Variants in ERC1 observed in about 807,000 individuals in gnomAD.
ERC1 encodes the protein ELKS/RAB6-interacting/CAST family member 1, also known as RAB6 interacting protein 2.
ERC1 carries 56 observed loss-of-function variants against 132.0 expected under a neutral mutation model. That is an observed-to-expected ratio of 0.42 (90% CI 0.34 to 0.53). ERC1 has a LOEUF of 0.53. ERC1 is among the 20% of genes least tolerant of loss of function. ERC1 has a pLI of 0.03. For missense variants in ERC1, 1,202 were observed against 1,349.9 expected (o/e 0.89, Z 1.72); for synonymous variants, 478 against 476.1 (o/e 1.00, Z -0.05).
At chr12:1,074,802 T>G (rs1176646930) in intron 2 of ERC1, among the ~76,000 whole-genome samples, 1 of 152,148 alleles carries the variant, frequency 6.6e-6, no homozygotes, top group Non-Finnish European at 1.5e-5. Context: ...GTTGTTAGAA[T>G]TCTAGTGTAA....
At chr12:1,432,263 G>C (rs769706554) in intron 17 of ERC1, among the ~76,000 whole-genome samples, 14 of 152,262 alleles carry the variant, frequency 9.2e-5, no homozygotes, top group Admixed American at 2.0e-4. Flanking sequence ...CTGTGGCTAT[G>C]AACTAACAAA....
intron 16 of ERC1, among the ~76,000 whole-genome samples, chr12:1,398,930 CTTTTTTTTTTTTTTTT>C (rs1162145460): frequency 2.1e-5 from 2 of 93,902 alleles, no homozygotes; most frequent in East Asian, 5.9e-4. Context: ...TTTTCTCCTA[CTTTTTTTTTTTTTTTT>C]TTTTTTTTTT....
chr12:1,139,330 G>C (rs1949650299), intron 7 of ERC1, among the ~76,000 whole-genome samples: 1 of 152,178 alleles, frequency 6.6e-6, no homozygotes, highest in Non-Finnish European at 1.5e-5. Context: ...TAGATCGACT[G>C]TTGCAGTGTC....
At chr12:1,486,739 G>A (rs969047065) in intron 18 of ERC1, among the ~76,000 whole-genome samples, 2 of 139,948 alleles carry the variant, frequency 1.4e-5, no homozygotes, top group African/African-American at 3.3e-5. Flanking sequence ...AATCACTCCC[G>A]GCTGTGAAGC....
At chr12:1,447,598 A>G (rs2093334978) in intron 18 of ERC1, among the ~76,000 whole-genome samples, 1 of 151,124 alleles carries the variant, frequency 6.6e-6, no homozygotes, top group East Asian at 1.9e-4. Flanking sequence ...CTGGCATTAA[A>G]TTATTCCTTT....
At chr12:1,227,179 G>C (rs1352525906) in intron 12 of ERC1, among the ~76,000 whole-genome samples, 1 of 152,174 alleles carries the variant, frequency 6.6e-6, no homozygotes, top group Non-Finnish European at 1.5e-5. Context: ...TGGTAGTTCT[G>C]TTTCTAATGT....
At position 1,460,635 on chromosome 12, in the gene ERC1, T is replaced by C. The variant is rs553195600; in HGVS notation, c.3213+15885T>C. ...GGCAGCCATATTTGAAATAAGTCCTTTTGACTGGAGAGAAGCTACTCAGTT... is the reference window on the plus strand; with the variant it reads ...GGCAGCCATATTTGAAATAAGTCCTCTTGACTGGAGAGAAGCTACTCAGTT... On this transcript the variant is annotated intron_variant, in intron 18 of 18. Coordinates refer to ENST00000360905, the MANE Select transcript of ERC1 (RefSeq NM_178040.4). Among the ~76,000 whole-genome samples, 3 of 152,240 alleles carry C rather than the reference T, an allele frequency of 2.0e-5. No individual in the cohort carries two copies. The East Asian group carries it at 5.8e-4, about 29-fold the overall frequency.
chr12:1,006,959 ATATAG>A (rs1004463299), intron 1 of ERC1, among the ~76,000 whole-genome samples: 7 of 149,972 alleles, frequency 4.7e-5, no homozygotes, highest in East Asian at 1.9e-4. Flanking sequence ...AGTATATATA[ATATAG>A]TATATATATG....
chr12:1,204,415 T>C (rs1594202015), intron 12 of ERC1: 2 of 1,133,224 alleles, frequency 1.8e-6, no homozygotes, highest in Non-Finnish European at 2.6e-6. Flanking sequence ...ATGATGTCCA[T>C]GAATAATATT....
At chr12:1,095,305 C>G (rs1255331471) in intron 3 of ERC1, among the ~76,000 whole-genome samples, 1 of 150,312 alleles carries the variant, frequency 6.7e-6, no homozygotes, top group East Asian at 2.0e-4. Flanking sequence ...TGGTGCATGC[C>G]TGCGGTCCTA....
rs191678352 is a variant in ERC1 at position 1,440,417 on chromosome 12, A to G, written c.3025-4145A>G. 1.7e-3 allele frequency among the ~76,000 whole-genome samples: 263 copies of G among 150,430 alleles called. 1 individual carries two copies. Among genetic ancestry groups the G allele is most frequent in the South Asian group, 6.3e-3 (30 of 4,780 alleles). Reference sequence around the variant, plus strand: ...GAGACGGGGTTTCACCGTGTTAGCCAGGATGGTCTCGATCTCCTGACCTCG... The same window carrying G: ...GAGACGGGGTTTCACCGTGTTAGCCGGGATGGTCTCGATCTCCTGACCTCG... On this transcript the variant is annotated intron_variant, in intron 17 of 18. Transcript: ENST00000360905.
intron 18 of ERC1, among the ~76,000 whole-genome samples, chr12:1,477,079 C>G (rs1418016954): frequency 1.3e-5 from 2 of 152,056 alleles, no homozygotes; most frequent in Non-Finnish European, 2.9e-5. Flanking sequence ...GAGTCTGAAA[C>G]TCAGTAGAAA....
intron 7 of ERC1, among the ~76,000 whole-genome samples, chr12:1,136,165 A>G (rs1210200222): frequency 3.3e-5 from 5 of 152,224 alleles, no homozygotes; most frequent in Admixed American, 1.3e-4. Flanking sequence ...TAGACATGAC[A>G]CTGATGCTTT....
chr12:1,080,917 A>G (rs937353298), intron 2 of ERC1, among the ~76,000 whole-genome samples: 4 of 151,988 alleles, frequency 2.6e-5, no homozygotes, highest in African/African-American at 9.7e-5. Flanking sequence ...CTAATAGAGC[A>G]GCCACCTTAT....
chr12:1,290,100 C>A, intron 15 of ERC1, 88 bp downstream of exon 15: 1 of 1,138,544 alleles, frequency 8.8e-7, no homozygotes. Flanking sequence ...TGTGTTTTAC[C>A]CCAATACACT....
chr12:1,170,990 A>C (rs1047518126), intron 8 of ERC1, among the ~76,000 whole-genome samples: 2 of 152,230 alleles, frequency 1.3e-5, no homozygotes, highest in Non-Finnish European at 2.9e-5. Context: ...TATAATTGAA[A>C]GAGATGTTAC....
intron 12 of ERC1, among the ~76,000 whole-genome samples, chr12:1,191,590 A>G (rs1260641912): frequency 2.0e-5 from 3 of 152,146 alleles, no homozygotes; most frequent in Admixed American, 6.5e-5. Context: ...TTTGTCACCA[A>G]TATTGATTTT....
chr12:1,441,416 G>C (rs2093151748), intron 17 of ERC1, among the ~76,000 whole-genome samples: 1 of 152,212 alleles, frequency 6.6e-6, no homozygotes, highest in Non-Finnish European at 1.5e-5. Context: ...CGCAGTCATA[G>C]TGGTTGTAGG....
At chr12:1,157,046 C>T (rs1444589589) in intron 8 of ERC1, among the ~76,000 whole-genome samples, 3 of 151,766 alleles carry the variant, frequency 2.0e-5, no homozygotes, top group Non-Finnish European at 4.4e-5. Flanking sequence ...TTCTTTATGT[C>T]CTCTCAGTTT....
Sources: gnomAD v4.1 joint callset for allele counts (sites outside exome capture counted in the v4.1 genomes callset) on GRCh38, gnomAD v4.1.1 for gene constraint, MANE v1.5 for transcripts, NCBI Gene and HGNC (gene_info 2026-07-23, HGNC 2026-07-21) for gene names.